Variants in GRID2 observed in about 807,000 individuals in gnomAD.
GRID2 encodes glutamate receptor ionotropic, delta-2.
GRID2 carries 33 observed loss-of-function variants against 114.8 expected under a neutral mutation model. That is an observed-to-expected ratio of 0.29 (90% CI 0.22 to 0.38). GRID2 has a LOEUF of 0.38. Among genes scored for constraint, GRID2 ranks in the 10% least tolerant of loss-of-function variants. The pLI, the probability that GRID2 is intolerant of heterozygous loss-of-function variation, is 1.00. For missense variants in GRID2, 1,184 were observed against 1,257.7 expected (o/e 0.94, Z 0.89); for synonymous variants, 505 against 449.9 (o/e 1.12, Z -1.55).
At chr4:93,043,936 TA>T (rs147156441) in intron 2 of GRID2, among the ~76,000 whole-genome samples, 5 of 150,986 alleles carry the variant, frequency 3.3e-5, no homozygotes, top group East Asian at 1.9e-4. Flanking sequence ...TATATAAAAA[TA>T]AAAAAAGACA....
intron 14 of GRID2, among the ~76,000 whole-genome samples, chr4:93,672,899 A>G (rs1278573227): frequency 6.6e-6 from 1 of 152,222 alleles, no homozygotes; most frequent in East Asian, 1.9e-4. Flanking sequence ...AAAAAGTTGA[A>G]TGTAAAAGGA....
intron 2 of GRID2, among the ~76,000 whole-genome samples, chr4:92,942,725 G>A (rs994072796): frequency 6.6e-6 from 1 of 152,100 alleles, no homozygotes; most frequent in South Asian, 2.1e-4. Context: ...TCCTTTCCAC[G>A]TTTAGTGCTT....
At chr4:93,067,656 T>G (rs1431983405) in intron 2 of GRID2, among the ~76,000 whole-genome samples, 1 of 151,914 alleles carries the variant, frequency 6.6e-6, no homozygotes, top group Admixed American at 6.6e-5. Context: ...TAGCTCAAGC[T>G]AAGATCAAGA....
chr4:92,993,564 T>G (rs1755031950), intron 2 of GRID2, among the ~76,000 whole-genome samples: 2 of 152,236 alleles, frequency 1.3e-5, no homozygotes, highest in Non-Finnish European at 2.9e-5. Context: ...TCTCCATCTC[T>G]TCTCCCATAT....
chr4:93,000,299 T>C (rs1425802380), intron 2 of GRID2, among the ~76,000 whole-genome samples: 1 of 151,660 alleles, frequency 6.6e-6, no homozygotes, highest in Non-Finnish European at 1.5e-5. Flanking sequence ...ATTCTTAACA[T>C]AATAATTATA....
intron 13 of GRID2, among the ~76,000 whole-genome samples, chr4:93,599,189 T>A (rs994845932): frequency 1.3e-5 from 2 of 152,200 alleles, no homozygotes; most frequent in African/African-American, 4.8e-5. Flanking sequence ...TTGGATGGAC[T>A]TGAATGTGAA....
intron 2 of GRID2, among the ~76,000 whole-genome samples, chr4:92,681,477 G>A (rs556365543): frequency 1.1e-4 from 17 of 151,916 alleles, no homozygotes; most frequent in Non-Finnish European, 2.2e-4. Context: ...CCTACAAAGG[G>A]CATGAACTCA....
At chr4:92,832,905 T>C (rs1742216515) in intron 2 of GRID2, among the ~76,000 whole-genome samples, 1 of 152,206 alleles carries the variant, frequency 6.6e-6, no homozygotes, top group African/African-American at 2.4e-5. Context: ...ACAGTATTCA[T>C]AGTGTTCATA....
intron 1 of GRID2, among the ~76,000 whole-genome samples, chr4:92,393,631 C>T (rs1730357137): frequency 6.6e-6 from 1 of 152,116 alleles, no homozygotes; most frequent in African/African-American, 2.4e-5. Flanking sequence ...TTTTCTTTCA[C>T]CAACCAATTT....
chr4:93,190,948 T>A (rs1221111735), intron 4 of GRID2, among the ~76,000 whole-genome samples: 1 of 151,994 alleles, frequency 6.6e-6, no homozygotes, highest in Non-Finnish European at 1.5e-5. Context: ...TTCTATGGCT[T>A]ACAGTAGATA....
intron 2 of GRID2, among the ~76,000 whole-genome samples, chr4:92,593,499 A>G (rs1229609807): frequency 1.3e-5 from 2 of 152,112 alleles, no homozygotes; most frequent in South Asian, 2.1e-4. Context: ...CTTTGGCTAC[A>G]GTACATTTTT....
intron 2 of GRID2, among the ~76,000 whole-genome samples, chr4:92,943,189 T>C (rs112645717): frequency 0.015 from 2,272 of 152,316 alleles, 20 homozygotes; most frequent in East Asian, 0.054. Flanking sequence ...CCATTCTCCC[T>C]GTCACTTTCA....
At chr4:93,167,766 C>G (rs1738393764) in intron 4 of GRID2, among the ~76,000 whole-genome samples, 1 of 150,190 alleles carries the variant, frequency 6.7e-6, no homozygotes, top group African/African-American at 2.5e-5. Flanking sequence ...ATTAAGAAAT[C>G]ATTTTTTTTC....
chr4:92,637,370 G>A (rs17019733), intron 2 of GRID2, among the ~76,000 whole-genome samples: 103 of 152,140 alleles, frequency 6.8e-4, no homozygotes, highest in African/African-American at 2.4e-3. Flanking sequence ...TTAACTAAAA[G>A]TGGCATGTTA....
At chr4:93,033,420 A>T (rs189202495) in intron 2 of GRID2, among the ~76,000 whole-genome samples, 1 of 152,188 alleles carries the variant, frequency 6.6e-6, no homozygotes, top group Admixed American at 6.6e-5. Context: ...GTGAAGTCAG[A>T]ACAATATGAC....
intron 1 of GRID2, among the ~76,000 whole-genome samples, chr4:92,350,739 T>C (rs1728024639): frequency 6.6e-6 from 1 of 151,870 alleles, no homozygotes; most frequent in Non-Finnish European, 1.5e-5. Flanking sequence ...GTTTTTAGTA[T>C]ATACATAGAG....
chr4:92,677,606 C>T (rs1380416520), intron 2 of GRID2, among the ~76,000 whole-genome samples: 9 of 152,130 alleles, frequency 5.9e-5, no homozygotes, highest in Non-Finnish European at 4.4e-5. Context: ...TGCTGCATTA[C>T]ATTCCGTCTC....
Position 93,455,382 on chromosome 4 carries a change from C to T in GRID2, c.1546-280C>T, listed in dbSNP as rs191310321. Among the ~76,000 whole-genome samples, 438 of 152,078 alleles carry T rather than the reference C, an allele frequency of 2.9e-3. 2 individuals are homozygous for T. Among genetic ancestry groups the T allele is most frequent in the African/African-American group, 0.01 (420 of 41,492 alleles). On this transcript the variant is annotated intron_variant, in intron 10 of 15. Coordinates refer to ENST00000282020, the MANE Select transcript of GRID2 (RefSeq NM_001510.4). ...ACCCACGAAAAAAGACAATTTTCTC[C>T]CTGTGTTATCTGTGTCTGAAATATT...
At chr4:92,332,683 T>G (rs1045926749) in intron 1 of GRID2, among the ~76,000 whole-genome samples, 1 of 152,238 alleles carries the variant, frequency 6.6e-6, no homozygotes, top group African/African-American at 2.4e-5. Flanking sequence ...TAACAAGTTA[T>G]GTGCTTCCAA....
Sources: allele counts gnomAD v4.1 joint callset (sites outside exome capture counted in the v4.1 genomes callset), GRCh38; gene constraint gnomAD v4.1.1; transcripts MANE v1.5; gene names NCBI Gene and HGNC (gene_info 2026-07-23, HGNC 2026-07-21).